ZNF718: variants seen among roughly 807,000 people sequenced by gnomAD.
The protein encoded by ZNF718 is zinc finger protein 718.
A neutral mutation model predicts 2.6 loss-of-function variants in ZNF718; 3 were observed. That is an observed-to-expected ratio of 1.16 (90% CI 0.53 to 3.01). The LOEUF is 3.01. ZNF718 is among the 30% of genes most tolerant of loss of function. ZNF718 has a pLI of 0.03. For synonymous variants in ZNF718, 135 were observed against 77.9 expected, an observed-to-expected ratio of 1.73 and a Z score of -3.86; for missense variants, 468 against 230.0, an observed-to-expected ratio of 2.03 and a Z score of -6.69.
chr4:186,919 C>T (rs1717577695), intron 3 of ZNF718, among the ~76,000 whole-genome samples: 2 of 152,088 alleles, frequency 1.3e-5, no homozygotes, highest in Admixed American at 6.5e-5. Context: ...TCAGCCATTT[C>T]AGCCTCAGCC....
At chr4:133,195 A>AAAAAAT (rs1258303094) in intron 3 of ZNF718, among the ~76,000 whole-genome samples, 19 of 20,780 alleles carry the variant, frequency 9.1e-4, no homozygotes, top group South Asian at 2.1e-3. Flanking sequence ...AAAAAAAAAA[A>AAAAAAT]ATATATATAT....
chr4:170,850 C>T (rs2108809827), intron 3 of ZNF718, among the ~76,000 whole-genome samples: 1 of 152,320 alleles, frequency 6.6e-6, no homozygotes, highest in Non-Finnish European at 1.5e-5. Context: ...CTCAACTCAT[C>T]AAAGTCATTC....
chr4:164,236 A>G (rs1168778310), downstream of ZNF718, among the ~76,000 whole-genome samples: 2 of 152,088 alleles, frequency 1.3e-5, no homozygotes, highest in African/African-American at 4.8e-5. Context: ...ATGGAGATAA[A>G]TATATAAACA....
rs148700380 is a variant in ZNF718, at chr4:150,826, A to G, written c.227-10086A>G. On this transcript the variant is annotated intron_variant, in intron 3 of 3. Coordinates refer to ENST00000510175, the MANE Select transcript of ZNF718 (RefSeq NM_001039127.6). ...TTTAAAAATTAAAAATAGAACTAAC[A>G]TGCTTCAGCAGTCCTGTTTAATTAA... Among the ~76,000 whole-genome samples the G allele has an allele frequency of 4.6e-3, 706 of 152,294 alleles. 6 individuals carry two copies. The highest frequency in any genetic ancestry group is 0.016 in the African/African-American group (672 of 41,556).
chr4:164,714 T>C (rs1553816421), downstream of ZNF718, among the ~76,000 whole-genome samples: 1 of 152,178 alleles, frequency 6.6e-6, no homozygotes, highest in Non-Finnish European at 1.5e-5. Context: ...GGGAACCATA[T>C]ATAAGCTGTT....
chr4:152,849 G>A (rs1196436348), intron 3 of ZNF718, among the ~76,000 whole-genome samples: 3 of 151,730 alleles, frequency 2.0e-5, no homozygotes, highest in South Asian at 2.1e-4. Flanking sequence ...AGTATACTTC[G>A]CAAATATTTT....
rs1164789728 is a variant in ZNF718 at position 161,422 on chromosome 4, A to G, written c.737A>G (p.Lys246Arg). Residue 246 changes from lysine to arginine, a missense_variant, in exon 4 of 4, where the codon AAG becomes AGG. Coordinates refer to ENST00000510175, the MANE Select transcript of ZNF718 (RefSeq NM_001039127.6). ...FTRSSHLTKH[K>R]RIHTGEKPYI... The stretch of plus-strand genomic sequence containing the variant: ...CGGTCCTCACACCTTACTAAACATA[A>G]GAGAATTCATACTGGAGAGAAACCC... 1 of 780,448 alleles carries G rather than the reference A, an allele frequency of 1.3e-6. No individual in the cohort carries two copies. Among genetic ancestry groups the G allele is most frequent in the African/African-American group, 1.7e-5 (1 of 59,130 alleles). The allele number at this position is 780,448 out of a possible 1,614,324, so 48.3% of individuals were successfully genotyped here.
chr4:160,010 A>G (rs79351082), intron 3 of ZNF718, among the ~76,000 whole-genome samples: 2,393 of 152,260 alleles, frequency 0.016, 86 homozygotes, highest in East Asian at 0.1. Flanking sequence ...TTCTTCAGTT[A>G]AAAGAGTTTG....
chr4:196,133 CT>C (rs1553821965), intron 3 of ZNF718, among the ~76,000 whole-genome samples: 1 of 152,106 alleles, frequency 6.6e-6, no homozygotes, highest in African/African-American at 2.4e-5. Flanking sequence ...TGTTAAAGTA[CT>C]GGGTTATCAC....
At chr4:131,701 C>T (rs1378567503) in intron 3 of ZNF718, among the ~76,000 whole-genome samples, 196 bp downstream of exon 3, 1 of 103,302 alleles carries the variant, frequency 9.7e-6, no homozygotes, top group African/African-American at 3.4e-5. Flanking sequence ...AGTGAAACCC[C>T]GTCTCTACTA....
intron 3 of ZNF718, among the ~76,000 whole-genome samples, chr4:192,343 C>G (rs148289795): frequency 6.6e-6 from 1 of 152,162 alleles, no homozygotes. Context: ...CCCCTGTGCT[C>G]TCAGTTGATA....
At chr4:189,569 G>T (rs1581483959) in intron 3 of ZNF718, among the ~76,000 whole-genome samples, 1 of 152,016 alleles carries the variant, frequency 6.6e-6, no homozygotes, top group African/African-American at 2.4e-5. Flanking sequence ...CAACACTATG[G>T]CAAGGAAATA....
At chr4:181,158 CTTTTTTTTTTTTT>C (rs782164295) in intron 3 of ZNF718, among the ~76,000 whole-genome samples, 1 of 51,086 alleles carries the variant, frequency 2.0e-5, no homozygotes, top group South Asian at 9.3e-4. Context: ...CAGTGCCCAG[CTTTTTTTTTTTTT>C]TTTTTTTTTT....
chr4:166,518 T>C (rs1202565318), downstream of ZNF718, among the ~76,000 whole-genome samples: 1 of 152,188 alleles, frequency 6.6e-6, no homozygotes, highest in African/African-American at 2.4e-5. Context: ...CCTGTTGTTT[T>C]CTGACTTTTT....
At chr4:177,378 G>T (rs1294555045) in intron 3 of ZNF718, among the ~76,000 whole-genome samples, 4 of 152,140 alleles carry the variant, frequency 2.6e-5, no homozygotes, top group Non-Finnish European at 5.9e-5. Flanking sequence ...TGCTGTTTCT[G>T]GGTTAACAGA....
At chr4:165,503 G>A (rs1358554860), downstream of ZNF718, among the ~76,000 whole-genome samples, 3 of 152,130 alleles carry the variant, frequency 2.0e-5, no homozygotes, top group Admixed American at 6.5e-5. Flanking sequence ...AAATGTCTTA[G>A]AAATTAATTT....
intron 3 of ZNF718, among the ~76,000 whole-genome samples, chr4:190,800 G>T (rs1354810638): frequency 6.6e-6 from 1 of 152,062 alleles, no homozygotes; most frequent in Non-Finnish European, 1.5e-5. Flanking sequence ...CAGCACTTGG[G>T]GAGGCTGGGG....
At chr4:180,300 A>G (rs941875236) in intron 3 of ZNF718, among the ~76,000 whole-genome samples, 28 of 152,240 alleles carry the variant, frequency 1.8e-4, no homozygotes, top group Admixed American at 3.9e-4. Context: ...TCCAGGTTCA[A>G]AAAATAAGAA....
intron 3 of ZNF718, among the ~76,000 whole-genome samples, chr4:182,942 T>C (rs1717497265): frequency 6.6e-6 from 1 of 152,212 alleles, no homozygotes; most frequent in African/African-American, 2.4e-5. Context: ...TTTTCTATTT[T>C]GTAGGTTGTC....
Sources: gnomAD v4.1 joint callset for allele counts (sites outside exome capture counted in the v4.1 genomes callset) on GRCh38, gnomAD v4.1.1 for gene constraint, MANE v1.5 for transcripts, NCBI Gene and HGNC (gene_info 2026-07-23, HGNC 2026-07-21) for gene names.